The following OTOGL variants were observed in gnomAD, a reference collection of about 807,000 sequenced individuals.
OTOGL encodes the protein otogelin-like protein.
Under a neutral mutation model 318.5 loss-of-function variants are expected in OTOGL, and 285 were observed. The ratio of observed to expected loss-of-function variants is 0.89; its 90% CI spans 0.81 to 0.99. The LOEUF (loss-of-function observed/expected upper bound fraction) is 0.99, where lower values mean the gene tolerates loss of function less well. Ranked by LOEUF, OTOGL falls within the 50% of genes least tolerant of loss-of-function variation. The probability of loss-of-function intolerance (pLI) is 0.00; values close to 1 mark genes in which losing one functional copy is unlikely to be tolerated. For missense variants in OTOGL, 2,899 were observed against 2,845.6 expected, an observed-to-expected ratio of 1.02 and a Z score of -0.43; for synonymous variants, 987 against 936.5, an observed-to-expected ratio of 1.05 and a Z score of -0.99.
At chr12:80,243,833 T>C (rs1284263797) in intron 11 of OTOGL, among the ~76,000 whole-genome samples, 1 of 144,380 alleles carries the variant, frequency 6.9e-6, no homozygotes, top group African/African-American at 2.7e-5. Context: ...CAATTCTATA[T>C]ATAATATAAT....
chr12:80,197,329 A>C (rs1272809217), intron 1 of OTOGL, among the ~76,000 whole-genome samples: 32 of 151,728 alleles, frequency 2.1e-4, no homozygotes, highest in Admixed American at 2.1e-3. Context: ...GGCCATGGTC[A>C]CTCATATTTG....
chr12:80,249,937 T>A (rs1881355596), intron 11 of OTOGL, among the ~76,000 whole-genome samples: 1 of 152,060 alleles, frequency 6.6e-6, no homozygotes, highest in African/African-American at 2.4e-5. Context: ...TCCAGGTGCG[T>A]CCGTCAGCCC....
intron 26 of OTOGL, among the ~76,000 whole-genome samples, chr12:80,287,086 G>T (rs769823860): frequency 2.0e-5 from 3 of 151,800 alleles, no homozygotes; most frequent in South Asian, 2.1e-4. Flanking sequence ...CAGAGATTCT[G>T]GTACGTTGTG....
chr12:80,168,937 T>C (rs1874008660), intron 1 of OTOGL, among the ~76,000 whole-genome samples: 1 of 152,204 alleles, frequency 6.6e-6, no homozygotes, highest in African/African-American at 2.4e-5. Context: ...TTCCATTCCT[T>C]TTCTTTCTGC....
chr12:80,187,810 C>G (rs1875397136), intron 1 of OTOGL, among the ~76,000 whole-genome samples: 1 of 152,158 alleles, frequency 6.6e-6, no homozygotes, highest in Non-Finnish European at 1.5e-5. Context: ...GTGTCAGATA[C>G]AAGCTTGGCA....
chr12:80,149,131 T>C (rs1872601514), intron 1 of OTOGL, among the ~76,000 whole-genome samples: 1 of 152,244 alleles, frequency 6.6e-6, no homozygotes, highest in African/African-American at 2.4e-5. Context: ...AGAGGCGCTC[T>C]GCTTTTTAGA....
intron 35 of OTOGL, among the ~76,000 whole-genome samples, chr12:80,324,696 G>A (rs1440131647): frequency 6.6e-6 from 1 of 152,148 alleles, no homozygotes; most frequent in Non-Finnish European, 1.5e-5. Context: ...CCAGGTTGGT[G>A]GCCCGAGAGG....
chr12:80,120,483 C>G (rs185318281), intron 1 of OTOGL, among the ~76,000 whole-genome samples: 5 of 152,072 alleles, frequency 3.3e-5, no homozygotes, highest in Admixed American at 1.3e-4. Flanking sequence ...GATTCTTGAG[C>G]CCAGATTTTT....
chr12:80,101,534 AT>A (rs1316371285), intron 1 of OTOGL, among the ~76,000 whole-genome samples: 3 of 152,186 alleles, frequency 2.0e-5, no homozygotes, highest in Non-Finnish European at 4.4e-5. Context: ...TTAATGTAAA[AT>A]AAGACAAATA....
intron 29 of OTOGL, among the ~76,000 whole-genome samples, chr12:80,308,105 C>T (rs1188479643): frequency 5.4e-5 from 8 of 148,692 alleles, no homozygotes; most frequent in African/African-American, 1.7e-4. Context: ...GCTGACCCCC[C>T]CACCTCCCTC....
intron 18 of OTOGL, among the ~76,000 whole-genome samples, 152 bp from the exon 19 acceptor site, chr12:80,261,817 T>C (rs996111069): frequency 6.6e-6 from 1 of 151,600 alleles, no homozygotes; most frequent in African/African-American, 2.4e-5. Flanking sequence ...GAGCTTAATA[T>C]CGTTGTACTT....
chr12:80,166,609 G>A (rs1333904616), intron 1 of OTOGL, among the ~76,000 whole-genome samples: 2 of 152,080 alleles, frequency 1.3e-5, no homozygotes, highest in Non-Finnish European at 2.9e-5. Flanking sequence ...AGATAAACAG[G>A]CTCAGAGATT....
At chr12:80,100,998 G>A (rs1302433415) in intron 1 of OTOGL, among the ~76,000 whole-genome samples, 1 of 152,098 alleles carries the variant, frequency 6.6e-6, no homozygotes, top group Non-Finnish European at 1.5e-5. Flanking sequence ...TGGGTTCATA[G>A]TACTGATCAA....
intron 1 of OTOGL, among the ~76,000 whole-genome samples, chr12:80,152,291 A>G (rs1258099510): frequency 1.3e-5 from 2 of 152,174 alleles, no homozygotes; most frequent in African/African-American, 4.8e-5. Flanking sequence ...GTTGGAGCCC[A>G]ATCCAGAGTA....
chr12:80,147,903 G>A (rs1275290971), intron 1 of OTOGL, among the ~76,000 whole-genome samples: 1 of 151,916 alleles, frequency 6.6e-6, no homozygotes, highest in African/African-American at 2.4e-5. Context: ...TTCTCCATTT[G>A]CTTGGTAGAT....
chr12:80,339,847 T>C (rs1565997009), intron 43 of OTOGL, among the ~76,000 whole-genome samples: 1 of 152,118 alleles, frequency 6.6e-6, no homozygotes, highest in African/African-American at 2.4e-5. Context: ...TACACAGATA[T>C]ATGAAGAGTT....
intron 29 of OTOGL, 73 bp from the exon 30 acceptor site, chr12:80,310,538 A>G (rs1886560990): frequency 2.0e-6 from 2 of 982,808 alleles, no homozygotes; most frequent in Middle Eastern, 2.7e-4. Context: ...TAATGAGTGA[A>G]GTTGGGTAGG....
chr12:80,146,997 A>G (rs1872423492), intron 1 of OTOGL, among the ~76,000 whole-genome samples: 1 of 152,076 alleles, frequency 6.6e-6, no homozygotes, highest in East Asian at 1.9e-4. Context: ...GATCCTTTCA[A>G]AAAACCAGCT....
intron 1 of OTOGL, among the ~76,000 whole-genome samples, chr12:80,128,904 G>A (rs924792272): frequency 6.6e-6 from 1 of 152,196 alleles, no homozygotes; most frequent in Non-Finnish European, 1.5e-5. Flanking sequence ...CAGTATTAGG[G>A]TGGGAGTGAC....
Sources: gnomAD v4.1 joint callset for allele counts (sites outside exome capture counted in the v4.1 genomes callset) on GRCh38, gnomAD v4.1.1 for gene constraint, MANE v1.5 for transcripts, NCBI Gene and HGNC (gene_info 2026-07-23, HGNC 2026-07-21) for gene names.